The following APC2 variants were observed in gnomAD, a reference collection of about 807,000 sequenced individuals.
APC2 encodes adenomatous polyposis coli protein 2.
APC2 carries 41 observed loss-of-function variants against 72.5 expected under a neutral mutation model. The ratio of observed to expected loss-of-function variants is 0.57; its 90% CI spans 0.44 to 0.73. The LOEUF is 0.73. APC2 is among the 30% of genes least tolerant of loss of function. The pLI is 0.00. For missense variants in APC2, 3,729 were observed against 3,403.4 expected, an observed-to-expected ratio of 1.10 and a Z score of -2.38; for synonymous variants, 1,898 against 1,612.0, an observed-to-expected ratio of 1.18 and a Z score of -4.25.
In APC2 at chr19:1,452,868, C is replaced by T. The variant is rs1343344043; in HGVS notation, c.-18-116C>T. The T allele has an allele frequency of 2.1e-5, 28 of 1,302,940 alleles. No homozygotes were observed. Among genetic ancestry groups the T allele is most frequent in the East Asian group, 2.5e-5 (1 of 39,930 alleles). 80.7% of individuals were successfully genotyped at this position (1,302,940 alleles called of 1,614,324 possible). ...ACCAGTGACTCCTGCCTGAGACCCC[C>T]CCCAACCCAGGATCAGGCAGGACGG... On this transcript the variant is annotated intron_variant, in intron 1 of 14. Coordinates refer to ENST00000590469, the MANE Select transcript of APC2 (RefSeq NM_005883.3). The surrounding 1 kb of genome is among the most constrained non-coding windows in gnomAD (Gnocchi z 5.1).
chr19:1,448,398 T>C (rs928170525), upstream of APC2, among the ~76,000 whole-genome samples: 11 of 151,596 alleles, frequency 7.3e-5, no homozygotes, highest in African/African-American at 2.7e-4. Context: ...AATACAAAAA[T>C]TAGCTGGCAA....
At chr19:1,456,698 G>A (rs1171755169) in intron 8 of APC2, among the ~76,000 whole-genome samples, 155 bp from the exon 9 acceptor site, 17 of 152,106 alleles carry the variant, frequency 1.1e-4, no homozygotes, top group Admixed American at 5.9e-4. Flanking sequence ...CCTCCCCGAA[G>A]CACGTGTGCA....
In APC2 at chr19:1,457,240, A is replaced by T. The variant is rs1243440998; in HGVS notation, c.1204A>T (p.Ser402Cys). The change falls in exon 9 of 15, where the codon AGC becomes TGC. Residue 402 changes from serine (S) to cysteine (C), a missense_variant. Transcript: ENST00000590469. ...DGGPEGGGAGSAPIPIEPQIC... is the reference protein window; with the variant it reads ...DGGPEGGGAGCAPIPIEPQIC... The stretch of plus-strand genomic sequence containing the variant: ...CGGGCCCGAGGGAGGTGGCGCCGGC[A>T]GCGGTGAGTGCCTGGCCTGGTGGGC... 6.6e-7 allele frequency: 1 copy of T among 1,526,716 alleles called. No homozygotes were observed. Among genetic ancestry groups the T allele is most frequent in the South Asian group, 1.2e-5 (1 of 82,200 alleles). The allele number at this position is 1,526,716 out of a possible 1,614,324, so 94.6% of individuals were successfully genotyped here. A position where few individuals can be genotyped will look rare whatever the true frequency, so the allele number is the denominator to read the frequency against.
chr19:1,464,594 C>T (rs1288729644), intron 14 of APC2, among the ~76,000 whole-genome samples: 1 of 151,352 alleles, frequency 6.6e-6, no homozygotes, highest in African/African-American at 2.4e-5. Flanking sequence ...CTAAGTATAC[C>T]CCAGATACCA....
chr19:1,458,289 C>T (rs140141232), intron 10 of APC2: 123 of 566,698 alleles, frequency 2.2e-4, no homozygotes, highest in East Asian at 1.7e-3. Context: ...TCTGAGGCTT[C>T]GGGGGTGACT....
chr19:1,470,271 C>T lies in APC2; in HGVS notation c.*58C>T. Reference sequence around the variant, plus strand: ...CCGGCCCTGCGGCGCGGTCTGGCTGCCCCATGGGCCTGCGCTGTAGACGTC... The same window carrying T: ...CCGGCCCTGCGGCGCGGTCTGGCTGTCCCATGGGCCTGCGCTGTAGACGTC... On this transcript the variant is annotated 3_prime_UTR_variant, in exon 15 of 15. Coordinates refer to ENST00000590469, the MANE Select transcript of APC2 (RefSeq NM_005883.3). 6.7e-7 allele frequency: 1 copy of T among 1,499,490 alleles called. No homozygotes were observed. The highest frequency in any genetic ancestry group is 8.9e-7 in the Non-Finnish European group (1 of 1,126,592). The allele number at this position is 1,499,490 out of a possible 1,614,324, so 92.9% of individuals were successfully genotyped here.
At chr19:1,459,424 C>T (rs1212914263) in intron 10 of APC2, among the ~76,000 whole-genome samples, 1 of 152,206 alleles carries the variant, frequency 6.6e-6, no homozygotes, top group East Asian at 1.9e-4. Flanking sequence ...GTGCACAGGG[C>T]ACGCTGGGCT....
Position 1,465,951 on chromosome 19 carries a change from C to A in APC2, c.2650C>A (p.Pro884Thr). 1 of 1,578,446 alleles carries A rather than the reference C, an allele frequency of 6.3e-7. No individual in the cohort carries two copies. The highest frequency in any genetic ancestry group is 8.6e-7 in the Non-Finnish European group (1 of 1,168,274). ...CTCTGGAGACCCGGGACAGGAGGCG[C>A]CACGGGAGGGCCGCGCCCAGTCCTG... ...LSSGDPGQEA[P>T]REGRAQSCSP... The change falls in exon 15 of 15, where the codon CCA becomes ACA. Residue 884 changes from proline to threonine, a missense_variant. By Grantham distance (38) the Pro-to-Thr change is conservative. Coordinates refer to ENST00000590469, the MANE Select transcript of APC2 (RefSeq NM_005883.3).
At chr19:1,459,763 C>T (rs1372573015) in intron 10 of APC2, among the ~76,000 whole-genome samples, 1 of 152,204 alleles carries the variant, frequency 6.6e-6, no homozygotes, top group Non-Finnish European at 1.5e-5. Flanking sequence ...CGTCACCCAT[C>T]CCTACAGCCC....
rs781447967 is a variant in APC2 at position 1,457,144 on chromosome 19, G to A, written c.1108G>A (p.Val370Ile). 6.0e-5 allele frequency: 95 copies of A among 1,588,314 alleles called. No individual in the cohort carries two copies. The highest frequency in any genetic ancestry group is 7.9e-5 in the Non-Finnish European group (93 of 1,170,198). Residue 370 changes from valine to isoleucine, a missense_variant, in exon 9 of 15, where the codon GTC (valine) becomes ATC (isoleucine). By Grantham distance (29) the Val-to-Ile change is conservative. Transcript: ENST00000590469. ...DQGLARKEMR[V>I]LHVLEQIRAY... ...GGGCCTGGCGCGCAAGGAGATGCGC[G>A]TCCTGCACGTGCTGGAGCAGATCCG...
upstream of APC2, among the ~76,000 whole-genome samples, chr19:1,448,955 G>A (rs2083713002): frequency 6.6e-6 from 1 of 152,222 alleles, no homozygotes; most frequent in Admixed American, 6.5e-5. Flanking sequence ...TCCAGCTCTG[G>A]GGGCTCCCAG....
chr19:1,456,735 C>A, intron 8 of APC2, 118 bp from the exon 9 acceptor site: 1 of 1,302,310 alleles, frequency 7.7e-7, no homozygotes, highest in Non-Finnish European at 1.0e-6. Flanking sequence ...TCATCTGTCC[C>A]CCAGGTGGGC....
intron 2 of APC2, 52 bp downstream of exon 2, chr19:1,453,194 G>A (rs377491377): frequency 2.0e-5 from 32 of 1,566,966 alleles, no homozygotes; most frequent in South Asian, 7.0e-5. Context: ...GGTGCCCCCC[G>A]GCAGCCCAGT....
At position 1,455,461 on chromosome 19, in the gene APC2, G is replaced by A; in HGVS notation, c.600G>A (p.Glu200=). The part of the protein sequence containing the change: ...EAQHIRSLME[E]RFGTSDEMVQ... ...AGCACATCCGCTCGCTGATGGAGGAGCGCTTCGGCACCTCGGACGAGATGG... is the reference window on the plus strand; with the variant it reads ...AGCACATCCGCTCGCTGATGGAGGAACGCTTCGGCACCTCGGACGAGATGG... Residue 200 remains glutamate, a synonymous_variant, in exon 6 of 15, where the codon GAG becomes GAA. Transcript: ENST00000590469. 9 of 1,605,692 alleles carry A rather than the reference G, an allele frequency of 5.6e-6. No homozygotes were observed. Among genetic ancestry groups the A allele is most frequent in the Non-Finnish European group, 6.8e-6 (8 of 1,176,646 alleles).
Position 1,467,720 on chromosome 19 carries a change from G to A in APC2, c.4419G>A (p.Pro1473=), listed in dbSNP as rs1321571905. The part of the protein sequence containing the change: ...AGLELPLGRP[P]SAPADKDGSK... ...TGGAGCTGCCCCTGGGCCGGCCCCC[G>A]AGCGCCCCCGCAGACAAGGACGGCT... Residue 1473 remains proline (P), a synonymous_variant, in exon 15 of 15, where the codon CCG becomes CCA. Transcript: ENST00000590469. 51 of 1,435,492 alleles carry A rather than the reference G, an allele frequency of 3.6e-5. No individual in the cohort carries two copies. The Admixed American group carries it at 1.4e-3, about 39-fold the overall frequency. The allele number at this position is 1,435,492 out of a possible 1,614,324, so 88.9% of individuals were successfully genotyped here.
chr19:1,457,327 G>A (rs1453749462), intron 9 of APC2, 84 bp downstream of exon 9: 3 of 1,438,134 alleles, frequency 2.1e-6, no homozygotes, highest in Non-Finnish European at 2.7e-6. Context: ...AGGACCTCCA[G>A]CCTTTGCTGC....
upstream of APC2, among the ~76,000 whole-genome samples, chr19:1,447,868 C>A (rs938247320): frequency 3.9e-5 from 6 of 152,128 alleles, no homozygotes; most frequent in African/African-American, 2.4e-5. Context: ...CCTCAGTTTC[C>A]CCATGTATAC....
rs564464279 is a variant in APC2 at position 1,452,944 on chromosome 19, C to T, written c.-18-40C>T. ...GTCCGGAAGGCATCACCGCGCCCTC[C>T]CCAGACCATCAGCTGAACCCTCTGA... is the stretch of plus-strand genomic sequence containing the variant. On this transcript the variant is annotated intron_variant, in intron 1 of 14. Coordinates refer to ENST00000590469, the MANE Select transcript of APC2 (RefSeq NM_005883.3). This position sits in a 1 kb window ranked among gnomAD's most constrained non-coding sequence, Gnocchi z 5.1. 1.7e-5 allele frequency: 27 copies of T among 1,598,584 alleles called. No individual in the cohort carries two copies. The highest frequency in any genetic ancestry group is 2.3e-5 in the Non-Finnish European group (27 of 1,173,160).
intron 10 of APC2, among the ~76,000 whole-genome samples, chr19:1,459,726 G>A (rs186872321): frequency 8.5e-5 from 13 of 152,310 alleles, no homozygotes; most frequent in Admixed American, 3.3e-4. Context: ...ATGGGGAAGC[G>A]GGGCGAGTGA....
Sources: gnomAD v4.1 joint callset for allele counts (sites outside exome capture counted in the v4.1 genomes callset) on GRCh38, gnomAD v4.1.1 for gene constraint, Gnocchi (gnomAD v3.1) non-coding constraint, MANE v1.5 for transcripts, NCBI Gene and HGNC (gene_info 2026-07-23, HGNC 2026-07-21) for gene names.